USP48: variants seen among roughly 807,000 people sequenced by gnomAD.
USP48 encodes the protein ubiquitin carboxyl-terminal hydrolase 48.
Under a neutral mutation model 150.7 loss-of-function variants are expected in USP48, and 43 were observed. That is an observed-to-expected ratio of 0.29 (90% CI 0.22 to 0.37). USP48 has a LOEUF of 0.37. Among genes scored for constraint, USP48 ranks in the 10% least tolerant of loss-of-function variants. USP48 has a pLI of 1.00. For synonymous variants in USP48, 396 were observed against 425.9 expected (o/e 0.93, Z 0.86); for missense variants, 813 against 1,249.6 (o/e 0.65, Z 5.27).
Position 21,756,681 on chromosome 1 carries a change from T to C in USP48, c.277A>G (p.Asn93Asp). ...TTGACATAACAAGTGGCTCCAAGGTTAGTCAGGCCCACAAATGAGTTCTAC... is the reference window on the plus strand; with the variant it reads ...TTGACATAACAAGTGGCTCCAAGGTCAGTCAGGCCCACAAATGAGTTCTAC... ...RKKNSFVGLTNLGATCYVNTF... is the reference protein window; with the variant it reads ...RKKNSFVGLTDLGATCYVNTF... The change falls in exon 3 of 27, where the codon AAC becomes GAC. Residue 93 changes from asparagine (N) to aspartate (D), a missense_variant. Coordinates refer to ENST00000308271, the MANE Select transcript of USP48 (RefSeq NM_032236.8). 6.2e-7 allele frequency: 1 copy of C among 1,613,634 alleles called. No individual in the cohort carries two copies. Among genetic ancestry groups the C allele is most frequent in the Non-Finnish European group, 8.5e-7 (1 of 1,179,878 alleles).
intron 1 of USP48, among the ~76,000 whole-genome samples, chr1:21,770,038 C>A (rs936594340): frequency 6.6e-6 from 1 of 151,820 alleles, no homozygotes; most frequent in Non-Finnish European, 1.5e-5. Flanking sequence ...TAATGTACAG[C>A]ACTGTTGGTC....
chr1:21,754,860 T>G (rs1252451745), intron 3 of USP48, among the ~76,000 whole-genome samples: 1 of 152,120 alleles, frequency 6.6e-6, no homozygotes. Context: ...CAGTTTCTAG[T>G]AGGGATTCCC....
At chr1:21,719,418 A>G (rs928256758) in intron 14 of USP48, among the ~76,000 whole-genome samples, 1 of 152,184 alleles carries the variant, frequency 6.6e-6, no homozygotes, top group African/African-American at 2.4e-5. Flanking sequence ...GTAGTGAGAT[A>G]GGAAGATCAA....
intron 23 of USP48, among the ~76,000 whole-genome samples, chr1:21,694,709 C>G (rs1272480859): frequency 6.6e-6 from 1 of 151,384 alleles, no homozygotes; most frequent in Non-Finnish European, 1.5e-5. Flanking sequence ...CCTTTTATCT[C>G]CCATTAAATT....
chr1:21,720,949 A>G, intron 14 of USP48, 87 bp downstream of exon 14: 1 of 1,540,752 alleles, frequency 6.5e-7, no homozygotes. Flanking sequence ...AGTAGCTGGG[A>G]CTACACGAAT....
intron 26 of USP48, 152 bp from the exon 27 acceptor site, chr1:21,679,591 C>T (rs1414156951): frequency 2.3e-6 from 2 of 866,856 alleles, no homozygotes; most frequent in Non-Finnish European, 3.7e-6. Context: ...AGACAAAATA[C>T]CAGCAGACTC....
chr1:21,729,201 A>G (rs2097749308), intron 10 of USP48, among the ~76,000 whole-genome samples: 1 of 151,940 alleles, frequency 6.6e-6, no homozygotes, highest in African/African-American at 2.4e-5. Context: ...AGAACTGCTT[A>G]AACCCAGGAG....
intron 1 of USP48, among the ~76,000 whole-genome samples, chr1:21,775,877 AAAAAC>A (rs943562774): frequency 1.1e-3 from 162 of 152,156 alleles, no homozygotes; most frequent in African/African-American, 3.7e-3. Context: ...ACCCCGTCTC[AAAAAC>A]AAAACAAAAC....
At chr1:21,733,970 T>A (rs561710431) in intron 9 of USP48, among the ~76,000 whole-genome samples, 2 of 152,292 alleles carry the variant, frequency 1.3e-5, no homozygotes, top group Admixed American at 1.3e-4. Flanking sequence ...TAATGTGCTA[T>A]CTCAATTTTG....
chr1:21,714,872 A>G (rs1251158841), intron 15 of USP48, among the ~76,000 whole-genome samples: 2 of 152,230 alleles, frequency 1.3e-5, no homozygotes, highest in Non-Finnish European at 2.9e-5. Flanking sequence ...AGCCGAGCCC[A>G]GTGGCTCGTG....
chr1:21,752,367 CACTT>C (rs947295927), intron 5 of USP48, among the ~76,000 whole-genome samples, 156 bp downstream of exon 5: 3 of 152,216 alleles, frequency 2.0e-5, no homozygotes, highest in African/African-American at 7.2e-5. Context: ...ATTACCAACT[CACTT>C]GTTTATATGT....
At chr1:21,686,477 G>A (rs2097580527) in intron 25 of USP48, 1 of 104,466 alleles carries the variant, frequency 9.6e-6, no homozygotes, top group Admixed American at 1.1e-4. Flanking sequence ...CTGATGTGAT[G>A]TATTGGTTTG....
chr1:21,703,812 GCCTCAA>G (rs2097664468), intron 20 of USP48, among the ~76,000 whole-genome samples, 194 bp from the exon 21 acceptor site: 1 of 152,154 alleles, frequency 6.6e-6, no homozygotes, highest in Non-Finnish European at 1.5e-5. Context: ...GCTCACTGTA[GCCTCAA>G]GCTTCTGGGC....
At chr1:21,760,891 C>T (rs556012614) in intron 1 of USP48, among the ~76,000 whole-genome samples, 15 of 151,928 alleles carry the variant, frequency 9.9e-5, no homozygotes, top group Admixed American at 5.9e-4. Context: ...GTCGGGATTT[C>T]GAGACCAGCC....
At chr1:21,733,243 C>T (rs1161942513) in intron 9 of USP48, among the ~76,000 whole-genome samples, 2 of 152,060 alleles carry the variant, frequency 1.3e-5, no homozygotes, top group African/African-American at 2.4e-5. Flanking sequence ...TGGTGAAACC[C>T]CGTCTCTACT....
At chr1:21,702,832 T>C (rs1417361459) in intron 21 of USP48, among the ~76,000 whole-genome samples, 1 of 152,228 alleles carries the variant, frequency 6.6e-6, no homozygotes, top group Non-Finnish European at 1.5e-5. Flanking sequence ...GCTAGCCACA[T>C]CGAATGCTCC....
intron 8 of USP48, among the ~76,000 whole-genome samples, chr1:21,744,263 T>C (rs765122752): frequency 4.6e-5 from 7 of 151,096 alleles, no homozygotes; most frequent in South Asian, 2.1e-4. Flanking sequence ...CTGGCCAATA[T>C]GGCGAAATCC....
intron 5 of USP48, among the ~76,000 whole-genome samples, chr1:21,752,036 A>G (rs2097816793): frequency 6.6e-6 from 1 of 151,872 alleles, no homozygotes; most frequent in Admixed American, 6.6e-5. Context: ...AAAAAAAAGA[A>G]AAGAAATAAA....
chr1:21,728,809 T>C (rs1300466353), intron 10 of USP48, 90 bp from the exon 11 acceptor site: 1 of 1,450,218 alleles, frequency 6.9e-7, no homozygotes, highest in Non-Finnish European at 9.2e-7. Flanking sequence ...CAAATACTGA[T>C]TAAAACATTG....
Sources: allele counts gnomAD v4.1 joint callset (sites outside exome capture counted in the v4.1 genomes callset), GRCh38; gene constraint gnomAD v4.1.1; transcripts MANE v1.5; gene names NCBI Gene and HGNC (gene_info 2026-07-23, HGNC 2026-07-21).